SLC9B1: variants seen among roughly 807,000 people sequenced by gnomAD.
SLC9B1 encodes the protein solute carrier family 9 member B1.
SLC9B1 carries 32 observed loss-of-function variants against 51.7 expected under a neutral mutation model. The ratio of observed to expected loss-of-function variants is 0.62; its 90% CI spans 0.47 to 0.83. The LOEUF (loss-of-function observed/expected upper bound fraction) is 0.83, where lower values mean the gene tolerates loss of function less well. Ranked by LOEUF, SLC9B1 falls within the 40% of genes least tolerant of loss-of-function variation. The pLI, the probability that SLC9B1 is intolerant of heterozygous loss-of-function variation, is 0.00. For missense variants in SLC9B1, 406 were observed against 613.2 expected, an observed-to-expected ratio of 0.66 and a Z score of 3.57; for synonymous variants, 145 against 212.7, an observed-to-expected ratio of 0.68 and a Z score of 2.77.
intron 3 of SLC9B1, among the ~76,000 whole-genome samples, chr4:102,961,096 A>G (rs1263218600): frequency 6.6e-6 from 1 of 152,172 alleles, no homozygotes; most frequent in Admixed American, 6.5e-5. Context: ...CATAAATTAT[A>G]TCAAATATGC....
intron 7 of SLC9B1, among the ~76,000 whole-genome samples, chr4:102,915,381 T>G (rs1433416218): frequency 6.6e-6 from 1 of 151,614 alleles, no homozygotes; most frequent in Non-Finnish European, 1.5e-5. Context: ...AGTAAAACAC[T>G]TTTTTTCTTT....
chr4:102,975,567 T>TATAC (rs1418404173), intron 3 of SLC9B1, among the ~76,000 whole-genome samples: 276 of 96,124 alleles, frequency 2.9e-3, no homozygotes, highest in African/African-American at 9.0e-3. Flanking sequence ...TATATATACA[T>TATAC]ATATATATAT....
At chr4:102,915,182 C>T (rs1380724707) in intron 7 of SLC9B1, among the ~76,000 whole-genome samples, 5 of 152,016 alleles carry the variant, frequency 3.3e-5, no homozygotes, top group Non-Finnish European at 7.4e-5. Context: ...CAAAGAGTTC[C>T]CCAGAGAATT....
intron 3 of SLC9B1, among the ~76,000 whole-genome samples, chr4:102,983,105 A>G (rs1739439348): frequency 6.6e-6 from 1 of 152,052 alleles, no homozygotes; most frequent in South Asian, 2.1e-4. Flanking sequence ...ATGATTGGGC[A>G]TTGGATTTTG....
chr4:102,993,324 C>A (rs1740046029), intron 1 of SLC9B1, among the ~76,000 whole-genome samples: 1 of 152,166 alleles, frequency 6.6e-6, no homozygotes, highest in African/African-American at 2.4e-5. Flanking sequence ...AGGCTACAGA[C>A]CCCATGCAAG....
chr4:102,948,931 C>T (rs1027526462), intron 4 of SLC9B1, among the ~76,000 whole-genome samples: 9 of 152,094 alleles, frequency 5.9e-5, no homozygotes, highest in African/African-American at 2.2e-4. Flanking sequence ...ATCCATGTAC[C>T]AAACCTGCAT....
intron 3 of SLC9B1, among the ~76,000 whole-genome samples, chr4:102,979,194 A>G (rs1476906620): frequency 6.6e-6 from 1 of 152,128 alleles, no homozygotes; most frequent in African/African-American, 2.4e-5. Flanking sequence ...TTCATTTCCT[A>G]TTTGCTCTTT....
chr4:102,965,393 T>C (rs1277193505), intron 3 of SLC9B1, among the ~76,000 whole-genome samples: 2 of 152,236 alleles, frequency 1.3e-5, no homozygotes, highest in Middle Eastern at 3.4e-3. Context: ...GGTACAACCT[T>C]GTACAATGGG....
chr4:102,893,280 T>TCAAAAAAAAAAAAAAAAA (rs1734349707), intron 11 of SLC9B1, among the ~76,000 whole-genome samples: 1 of 8,400 alleles, frequency 1.2e-4, no homozygotes. Context: ...AGACTCCATC[T>TCAAAAAAAAAAAAAAAAA]CAAAAAAAAA....
chr4:102,977,178 T>C (rs1380970458), intron 3 of SLC9B1, among the ~76,000 whole-genome samples: 1 of 150,214 alleles, frequency 6.7e-6, no homozygotes, highest in Non-Finnish European at 1.5e-5. Flanking sequence ...GAGAGAAATA[T>C]TATGGAAGTG....
intron 1 of SLC9B1, among the ~76,000 whole-genome samples, chr4:103,015,971 T>C (rs1288001297): frequency 6.6e-6 from 1 of 150,980 alleles, no homozygotes; most frequent in African/African-American, 2.4e-5. Flanking sequence ...CTACCAAAAA[T>C]ACAAAAAATT....
At position 102,893,281 on chromosome 4, in the gene SLC9B1, C is replaced by CAAAAAAAAAAAAAAAAAAAA. The variant is rs58316456; in HGVS notation, c.1333-7973_1333-7954dup. Among the ~76,000 whole-genome samples, 30 of 35,160 alleles carry CAAAAAAAAAAAAAAAAAAAA rather than the reference C, an allele frequency of 8.5e-4. 1 individual carries two copies. Among genetic ancestry groups the CAAAAAAAAAAAAAAAAAAAA allele is most frequent in the East Asian group, 5.4e-3 (5 of 930 alleles). The allele number at this position is 35,160 out of a possible 152,430, so 23.1% of individuals were successfully genotyped here. A position where few individuals can be genotyped will look rare whatever the true frequency, so the allele number is the denominator to read the frequency against. On this transcript the variant is annotated intron_variant, in intron 11 of 11. Coordinates refer to the SLC9B1 transcript ENST00000394789. ...TGGGCCACAGAGCAAGACTCCATCT[C>CAAAAAAAAAAAAAAAAAAAA]AAAAAAAAAAAAAAAAAAAAAAAAG...
intron 3 of SLC9B1, among the ~76,000 whole-genome samples, chr4:102,971,398 T>C (rs4596240): frequency 8.6e-5 from 13 of 151,964 alleles, no homozygotes; most frequent in African/African-American, 2.4e-4. Context: ...ATTGGGTAAA[T>C]AATGAAATGA....
intron 7 of SLC9B1, among the ~76,000 whole-genome samples, chr4:102,912,685 A>G (rs1735394702): frequency 6.6e-6 from 1 of 152,150 alleles, no homozygotes; most frequent in African/African-American, 2.4e-5. Context: ...GTTTGAGACC[A>G]GCTTGGGCAA....
At chr4:103,005,811 T>C (rs1016594109) in intron 1 of SLC9B1, among the ~76,000 whole-genome samples, 2 of 152,186 alleles carry the variant, frequency 1.3e-5, no homozygotes, top group African/African-American at 4.8e-5. Flanking sequence ...ACCATAGAGT[T>C]ACATAGAAAT....
At chr4:102,970,191 T>C (rs1470826519) in intron 3 of SLC9B1, among the ~76,000 whole-genome samples, 1 of 152,148 alleles carries the variant, frequency 6.6e-6, no homozygotes, top group East Asian at 1.9e-4. Context: ...AATTGTCAGA[T>C]TCACCAAGGT....
intron 3 of SLC9B1, among the ~76,000 whole-genome samples, chr4:102,952,797 G>A (rs1469204368): frequency 5.8e-5 from 4 of 69,222 alleles, no homozygotes; most frequent in East Asian, 4.6e-4. Flanking sequence ...CATGTCCTTC[G>A]CCCACTTTTT....
chr4:102,966,404 G>C (rs6821173), intron 3 of SLC9B1, among the ~76,000 whole-genome samples: 82,580 of 152,098 alleles, frequency 0.54, 22,966 homozygotes, highest in African/African-American at 0.67. Context: ...ACGCCATCAA[G>C]GCTTACCACT....
At chr4:102,938,023 T>C (rs1736808796) in intron 6 of SLC9B1, among the ~76,000 whole-genome samples, 1 of 152,002 alleles carries the variant, frequency 6.6e-6, no homozygotes, top group African/African-American at 2.4e-5. Flanking sequence ...GCTATAAATA[T>C]CAATATTAAC....
Sources: gnomAD v4.1 joint callset for allele counts (sites outside exome capture counted in the v4.1 genomes callset) on GRCh38, gnomAD v4.1.1 for gene constraint, MANE v1.5 for transcripts, NCBI Gene and HGNC (gene_info 2026-07-23, HGNC 2026-07-21) for gene names.